The following SHISA9 variants were observed in gnomAD, a reference collection of about 807,000 sequenced individuals.
The protein encoded by SHISA9 is protein shisa-9.
In SHISA9, 13 loss-of-function variants were observed where a neutral mutation model predicts 38.0. The observed-to-expected ratio is 0.34, with a 90% CI of 0.22 to 0.54. The LOEUF is 0.54. Among genes scored for constraint, SHISA9 ranks in the 20% least tolerant of loss-of-function variants. The pLI, the probability that SHISA9 is intolerant of heterozygous loss-of-function variation, is 0.91. For synonymous variants in SHISA9, 275 were observed against 242.0 expected, an observed-to-expected ratio of 1.14 and a Z score of -1.27; for missense variants, 538 against 575.8, an observed-to-expected ratio of 0.93 and a Z score of 0.67.
chr16:13,436,848 A>G, the SHISA9 span, among the ~76,000 whole-genome samples: 13 of 152,342 alleles, frequency 8.5e-5, no homozygotes, highest in African/African-American at 3.1e-4. Context: ...TTTAAGATCA[A>G]CCAGAAGTAA....
chr16:13,332,340 G>A, the SHISA9 span, among the ~76,000 whole-genome samples: 1 of 152,126 alleles, frequency 6.6e-6, no homozygotes, highest in African/African-American at 2.4e-5. Context: ...CCCTTCCCAG[G>A]CCCATGAAAG....
chr16:13,212,256 C>T (rs1201284738), intron 3 of SHISA9, among the ~76,000 whole-genome samples: 1 of 152,150 alleles, frequency 6.6e-6, no homozygotes, highest in East Asian at 1.9e-4. Flanking sequence ...AGAGCTAGGA[C>T]CACACGCTGA....
intron 2 of SHISA9, among the ~76,000 whole-genome samples, chr16:12,999,629 A>G (rs866769329): frequency 1.2e-4 from 19 of 152,184 alleles, no homozygotes; most frequent in African/African-American, 3.6e-4. Context: ...ACCTTGACCT[A>G]GCAGGTTGCA....
intron 4 of SHISA9, among the ~76,000 whole-genome samples, chr16:13,231,498 G>C (rs1168261688): frequency 6.6e-6 from 1 of 152,196 alleles, no homozygotes; most frequent in Non-Finnish European, 1.5e-5. Flanking sequence ...GACATTTCAG[G>C]AATGTGTGAT....
the SHISA9 span, among the ~76,000 whole-genome samples, chr16:13,420,330 A>G: frequency 6.8e-6 from 1 of 146,812 alleles, no homozygotes; most frequent in East Asian, 2.1e-4. Context: ...GTGCTGTGCC[A>G]GTCAAGTGAA....
chr16:13,186,288 C>CTTTTTTTT (rs113608898), intron 2 of SHISA9, among the ~76,000 whole-genome samples: 2 of 104,272 alleles, frequency 1.9e-5, no homozygotes, highest in Non-Finnish European at 1.9e-5. Context: ...CCATCTTAAC[C>CTTTTTTTT]TTTTTTTTTT....
the SHISA9 span, among the ~76,000 whole-genome samples, chr16:13,301,095 G>T: frequency 6.6e-6 from 1 of 151,942 alleles, no homozygotes; most frequent in South Asian, 2.1e-4. Context: ...TCTACAATCT[G>T]TATGCAAGAG....
intron 2 of SHISA9, among the ~76,000 whole-genome samples, chr16:13,012,131 T>C (rs950076866): frequency 6.6e-6 from 1 of 151,998 alleles, no homozygotes; most frequent in Non-Finnish European, 1.5e-5. Context: ...CAGCCCTTTT[T>C]TTTTTCTTAT....
At chr16:12,926,057 A>G (rs570071766) in intron 2 of SHISA9, among the ~76,000 whole-genome samples, 24 of 152,312 alleles carry the variant, frequency 1.6e-4, no homozygotes, top group Admixed American at 1.4e-3. Context: ...TCTTCATAAA[A>G]TAATTGAAAT....
At chr16:12,932,087 G>A (rs1440711210) in intron 2 of SHISA9, among the ~76,000 whole-genome samples, 3 of 152,256 alleles carry the variant, frequency 2.0e-5, no homozygotes, top group East Asian at 1.9e-4. Context: ...CATGTAAGAT[G>A]TACCTTTGCT....
the SHISA9 span, among the ~76,000 whole-genome samples, chr16:13,534,225 T>A: frequency 2.0e-5 from 1 of 48,978 alleles, no homozygotes; most frequent in Non-Finnish European, 3.9e-5. Context: ...ACCATTTCAC[T>A]TTTTTTTTTT....
At chr16:13,109,814 G>T (rs763412637) in intron 2 of SHISA9, among the ~76,000 whole-genome samples, 6 of 152,190 alleles carry the variant, frequency 3.9e-5, no homozygotes, top group African/African-American at 1.2e-4. Flanking sequence ...TGTTTTTGAG[G>T]TTCATCCCTG....
chr16:13,476,396 C>T, the SHISA9 span, among the ~76,000 whole-genome samples: 2 of 152,190 alleles, frequency 1.3e-5, no homozygotes, highest in Non-Finnish European at 2.9e-5. Context: ...GCTCCCATCT[C>T]CTCAGCTGCA....
chr16:13,286,160 G>T, the SHISA9 span, among the ~76,000 whole-genome samples: 1 of 152,050 alleles, frequency 6.6e-6, no homozygotes, highest in African/African-American at 2.4e-5. Flanking sequence ...TGCCTTTCTT[G>T]CAATATTCAT....
chr16:13,023,058 T>G (rs554490071), intron 2 of SHISA9, among the ~76,000 whole-genome samples: 1 of 152,328 alleles, frequency 6.6e-6, no homozygotes, highest in East Asian at 1.9e-4. Flanking sequence ...CTAGGGTACA[T>G]GTGCACAATG....
chr16:13,062,953 G>A lies in SHISA9; in HGVS notation c.692-140441G>A, dbSNP rs562511784. On this transcript the variant is annotated intron_variant, in intron 2 of 4. Transcript: ENST00000558583. ...CGAGGCTAGATGCACTTGCCTGGGC[G>A]TGCTTTCGGACGCATCCCTCACTAG... Among the ~76,000 whole-genome samples the A allele has an allele frequency of 6.2e-5, 9 of 145,810 alleles. No homozygotes were observed. The East Asian group carries it at 1.6e-3, about 26-fold the overall frequency.
chr16:13,507,843 C>T, the SHISA9 span, among the ~76,000 whole-genome samples: 1 of 152,188 alleles, frequency 6.6e-6, no homozygotes, highest in African/African-American at 2.4e-5. Context: ...GTAAATCCTG[C>T]TCCAGGTAGC....
At chr16:13,401,461 C>T in the SHISA9 span, among the ~76,000 whole-genome samples, 6 of 152,280 alleles carry the variant, frequency 3.9e-5, no homozygotes, top group African/African-American at 1.4e-4. Flanking sequence ...TGTCTGTGTT[C>T]CCCCAGTGTT....
At chr16:13,367,251 T>A in the SHISA9 span, among the ~76,000 whole-genome samples, 9 of 150,446 alleles carry the variant, frequency 6.0e-5, no homozygotes, top group Non-Finnish European at 8.9e-5. Context: ...TGAGGGCTTA[T>A]TGAATGTCAG....
Sources: allele counts gnomAD v4.1 joint callset (sites outside exome capture counted in the v4.1 genomes callset), GRCh38; gene constraint gnomAD v4.1.1; transcripts MANE v1.5; gene names NCBI Gene and HGNC (gene_info 2026-07-23, HGNC 2026-07-21).